Variants in DNAJC17 observed in about 807,000 individuals in gnomAD.
DNAJC17 encodes dnaJ homolog subfamily C member 17.
A neutral mutation model predicts 48.1 loss-of-function variants in DNAJC17; 35 were observed. The ratio of observed to expected loss-of-function variants is 0.73; its 90% CI spans 0.56 to 0.96. DNAJC17 has a LOEUF of 0.96. DNAJC17 is among the 50% of genes least tolerant of loss of function. The pLI is 0.00. For synonymous variants in DNAJC17, 117 were observed against 142.7 expected (o/e 0.82, Z 1.28); for missense variants, 355 against 377.1 (o/e 0.94, Z 0.48).
At chr15:40,776,355 G>C in intron 5 of DNAJC17, 63 bp from the exon 6 acceptor site, 1 of 1,560,566 alleles carries the variant, frequency 6.4e-7, no homozygotes, top group Non-Finnish European at 8.8e-7. Flanking sequence ...GGCTCACCTT[G>C]TAAAAAGTCC....
Position 40,769,439 on chromosome 15 carries a change from C to T in DNAJC17, c.793-1377G>A, listed in dbSNP as rs572601098. 6.6e-6 allele frequency among the ~76,000 whole-genome samples: 1 copy of T among 152,364 alleles called. No homozygotes were observed. Among genetic ancestry groups the T allele is most frequent in the African/African-American group, 2.4e-5 (1 of 41,590 alleles). On this transcript the variant is annotated intron_variant, in intron 10 of 10. Transcript: ENST00000220496. This position sits in a 1 kb window ranked among gnomAD's most constrained non-coding sequence, Gnocchi z 4.2. ...GGCAGGCCAAGAGGAGGCCACATCT[C>T]CCATCCCCAGGTTAATGCTGCTCTG...
Position 40,800,512 on chromosome 15 carries a change from A to T in DNAJC17, c.78+6857T>A, listed in dbSNP as rs369287295. Among the ~76,000 whole-genome samples the T allele has an allele frequency of 7.3e-5, 11 of 149,698 alleles. No homozygotes were observed. The East Asian group carries it at 1.8e-3, about 24-fold the overall frequency. On this transcript the variant is annotated intron_variant, in intron 1 of 10. Coordinates refer to ENST00000220496, the MANE Select transcript of DNAJC17 (RefSeq NM_018163.3). ...TTTTTTTTTTTTAATTTTTTTACAG[A>T]CAGAGTTTCACTCTGTCACCCAGGC...
intron 10 of DNAJC17, among the ~76,000 whole-genome samples, chr15:40,768,363 C>G (rs1420729430): frequency 3.3e-5 from 5 of 152,324 alleles, no homozygotes; most frequent in South Asian, 4.1e-4. Context: ...AAGCCAGGCC[C>G]TCGTCTCCCT....
At chr15:40,792,012 T>G (rs1001086911) in intron 1 of DNAJC17, among the ~76,000 whole-genome samples, 1 of 152,166 alleles carries the variant, frequency 6.6e-6, no homozygotes, top group Non-Finnish European at 1.5e-5. Context: ...CAGAATCAAG[T>G]GTAACCACCC....
intron 1 of DNAJC17, among the ~76,000 whole-genome samples, chr15:40,789,432 T>C (rs1889733203): frequency 1.3e-5 from 2 of 151,506 alleles, no homozygotes; most frequent in East Asian, 1.9e-4. Context: ...TCTACAGCCC[T>C]CTTTCTCCTC....
chr15:40,792,582 A>C, intron 1 of DNAJC17: 3 of 960,422 alleles, frequency 3.1e-6, no homozygotes, highest in Non-Finnish European at 3.7e-6. Context: ...TGGGAGGCCG[A>C]GGCAGGAGGA....
intron 1 of DNAJC17, among the ~76,000 whole-genome samples, chr15:40,799,944 G>C (rs1480210912): frequency 6.6e-6 from 1 of 152,062 alleles, no homozygotes; most frequent in East Asian, 1.9e-4. Context: ...GGAACTCCTG[G>C]GCTCAAGCAA....
intron 10 of DNAJC17, among the ~76,000 whole-genome samples, 186 bp downstream of exon 10, chr15:40,773,541 T>G (rs1413491337): frequency 6.6e-6 from 1 of 152,130 alleles, no homozygotes; most frequent in Admixed American, 6.5e-5. Context: ...GGGTGGGGCC[T>G]CTCTGGCCCT....
At chr15:40,785,980 C>G (rs1889631093) in intron 1 of DNAJC17, among the ~76,000 whole-genome samples, 2 of 152,204 alleles carry the variant, frequency 1.3e-5, no homozygotes, top group South Asian at 4.1e-4. Context: ...CCTGGAAGAC[C>G]AGTTTTGACT....
At chr15:40,801,701 G>A (rs1890075974) in intron 1 of DNAJC17, among the ~76,000 whole-genome samples, 1 of 143,382 alleles carries the variant, frequency 7.0e-6, no homozygotes, top group Admixed American at 7.2e-5. Context: ...TGCAGCCACT[G>A]CACTCCAGCC....
intron 4 of DNAJC17, among the ~76,000 whole-genome samples, chr15:40,777,505 G>A (rs1187885330): frequency 1.3e-5 from 2 of 152,048 alleles, no homozygotes; most frequent in Non-Finnish European, 1.5e-5. Context: ...GATCACCTGA[G>A]GTCAGGAGTT....
chr15:40,778,093 A>T (rs111665101), intron 4 of DNAJC17, among the ~76,000 whole-genome samples: 1 of 151,846 alleles, frequency 6.6e-6, no homozygotes, highest in African/African-American at 2.4e-5. Flanking sequence ...TCAGGAGGCC[A>T]AGGCAGAAGG....
At chr15:40,779,433 G>C in intron 3 of DNAJC17, 112 bp downstream of exon 3, 2 of 1,560,932 alleles carry the variant, frequency 1.3e-6, no homozygotes. Flanking sequence ...GGGTCTCCTG[G>C]GCTTAGACAG....
Position 40,770,648 on chromosome 15 carries a change from CATCCGGGAGCTA to C in DNAJC17, c.793-2598_793-2587del. 1 of 1,550,196 alleles carries C rather than the reference CATCCGGGAGCTA, an allele frequency of 6.5e-7. No individual in the cohort carries two copies. Among genetic ancestry groups the C allele is most frequent in the Non-Finnish European group, 8.7e-7 (1 of 1,146,972 alleles). Reference sequence around the variant, plus strand: ...ACGAGGAGTACAGCAACCGAGAAGTCATCCGGGAGCTACAAGGGAGGCCAGATGGCCGGCGCC... The same window carrying C: ...ACGAGGAGTACAGCAACCGAGAAGTCCAAGGGAGGCCAGATGGCCGGCGCC... On this transcript the variant is annotated intron_variant, in intron 10 of 10. Transcript: ENST00000220496. This position sits in a 1 kb window ranked among gnomAD's most constrained non-coding sequence, Gnocchi z 5.0.
chr15:40,785,047 G>A (rs1042832866), intron 1 of DNAJC17, among the ~76,000 whole-genome samples: 5 of 152,066 alleles, frequency 3.3e-5, no homozygotes, highest in African/African-American at 7.2e-5. Context: ...GCAGTGAGCC[G>A]AGATCATGCC....
intron 1 of DNAJC17, among the ~76,000 whole-genome samples, chr15:40,780,738 G>A (rs959758651): frequency 2.6e-5 from 4 of 150,950 alleles, no homozygotes; most frequent in Admixed American, 2.0e-4. Flanking sequence ...CGCTTGAACC[G>A]AGGAGGCGGA....
intron 1 of DNAJC17, chr15:40,780,683 G>A (rs34621344): frequency 0.31 from 75,186 of 246,186 alleles, 13,226 homozygotes; most frequent in South Asian, 0.4. Context: ...GCATAGTGGC[G>A]GGCAGCTGTA....
rs774713452 is a variant in DNAJC17, at chr15:40,776,223, G to C, written c.451C>G (p.Arg151Gly). The C allele has an allele frequency of 1.2e-6, 2 of 1,614,066 alleles. No homozygotes were observed. Among genetic ancestry groups the C allele is most frequent in the Non-Finnish European group, 1.7e-6 (2 of 1,180,010 alleles). ...CTCAACCTCTGGTCACGCTCCTGGC[G>C]TATCTGCTCCCGGATGAGCCTCTGC... Reference protein sequence around the residue: ...EQQRLIREQIRQERDQRLRGK... With the variant: ...EQQRLIREQIGQERDQRLRGK... The change falls in exon 6 of 11, where the codon CGC becomes GGC. Residue 151 changes from arginine to glycine, a missense_variant. Transcript: ENST00000220496.
At chr15:40,771,253 G>A (rs1190082661) in intron 10 of DNAJC17, 1 of 571,756 alleles carries the variant, frequency 1.7e-6, no homozygotes, top group East Asian at 3.0e-5. Context: ...ATCTGGAAAT[G>A]TTGGGGGGGC....
Sources: allele counts gnomAD v4.1 joint callset (sites outside exome capture counted in the v4.1 genomes callset), GRCh38; gene constraint gnomAD v4.1.1; non-coding constraint Gnocchi (gnomAD v3.1); transcripts MANE v1.5; gene names NCBI Gene and HGNC (gene_info 2026-07-23, HGNC 2026-07-21).